The following MRAP2 variants were observed in gnomAD, a reference collection of about 807,000 sequenced individuals.
The protein encoded by MRAP2 is melanocortin 2 receptor accessory protein 2.
A neutral mutation model predicts 17.4 loss-of-function variants in MRAP2; 20 were observed. The observed-to-expected ratio is 1.15, with a 90% confidence interval of 0.81 to 1.67. The LOEUF (loss-of-function observed/expected upper bound fraction) is 1.67, where lower values mean the gene tolerates loss of function less well. Ranked by LOEUF, MRAP2 falls within the 40% of genes most tolerant of loss-of-function variation. The probability of loss-of-function intolerance (pLI) is 0.00; values close to 1 mark genes in which losing one functional copy is unlikely to be tolerated. For synonymous variants in MRAP2, 96 were observed against 88.4 expected (o/e 1.09, Z -0.48); for missense variants, 238 against 240.0 (o/e 0.99, Z 0.05).
chr6:84,071,830 G>A (rs1269968140), intron 3 of MRAP2, among the ~76,000 whole-genome samples: 2 of 151,916 alleles, frequency 1.3e-5, no homozygotes, highest in African/African-American at 2.4e-5. Flanking sequence ...CCTTGTCTTC[G>A]AGCTCTGAAT....
chr6:84,089,046 A>G lies in MRAP2; in HGVS notation c.228-45A>G, dbSNP rs557021285. ...CAGAAAACCATGATTCTGCAGGTGA[A>G]TGGGCTGGAGTGTAAGCAGTCTTTT... On this transcript the variant is annotated intron_variant, in intron 3 of 3. Coordinates refer to ENST00000257776, the MANE Select transcript of MRAP2 (RefSeq NM_138409.4). The G allele has an allele frequency of 1.9e-5, 30 of 1,547,498 alleles. No homozygotes were observed. The East Asian group carries it at 4.3e-4, about 22-fold the overall frequency.
chr6:84,043,413 A>C lies in MRAP2; in HGVS notation c.-8+9530A>C, dbSNP rs111989735. ...TGTAGTGAAATAGTTGGAGAGATCT[A>C]CTTGGAGGAGGTAGTATCTGATCCC... On this transcript the variant is annotated intron_variant, in intron 1 of 3. Coordinates refer to ENST00000257776, the MANE Select transcript of MRAP2 (RefSeq NM_138409.4). Among the ~76,000 whole-genome samples, 975 of 152,286 alleles carry C rather than the reference A, an allele frequency of 6.4e-3. 16 individuals are homozygous for C. Among genetic ancestry groups the C allele is most frequent in the African/African-American group, 0.022 (912 of 41,550 alleles).
At chr6:84,103,460 A>C in the MRAP2 span, among the ~76,000 whole-genome samples, 1 of 152,170 alleles carries the variant, frequency 6.6e-6, no homozygotes, top group South Asian at 2.1e-4. Flanking sequence ...TCATTCACTC[A>C]TTCCTGATAA....
At position 84,089,513 on chromosome 6, in the gene MRAP2, A is replaced by G. The variant is rs186051964; in HGVS notation, c.*32A>G. On this transcript the variant is annotated 3_prime_UTR_variant, in exon 4 of 4. Coordinates refer to ENST00000257776, the MANE Select transcript of MRAP2 (RefSeq NM_138409.4). ...TGCTCTGTAAAGGGTCTTCCTGAAG[A>G]TGTGGATTCTATCTTTATGTAGCAA... 1,357 of 1,578,574 alleles carry G rather than the reference A, an allele frequency of 8.6e-4. 14 individuals carry two copies. The African/African-American group carries it at 0.016, about 19-fold the overall frequency.
At chr6:84,126,344 AC>A in the MRAP2 span, 2 of 1,495,062 alleles carry the variant, frequency 1.3e-6, no homozygotes, top group Non-Finnish European at 1.8e-6. Context: ...AAAAGTAAAG[AC>A]CTATATAAAT....
At chr6:84,134,405 C>G in the MRAP2 span, among the ~76,000 whole-genome samples, 1 of 152,320 alleles carries the variant, frequency 6.6e-6, no homozygotes, top group African/African-American at 2.4e-5. Context: ...AAAAAAAACT[C>G]CTGCAGCTAG....
At chr6:84,141,980 C>T in the MRAP2 span, among the ~76,000 whole-genome samples, 4 of 152,186 alleles carry the variant, frequency 2.6e-5, no homozygotes, top group Non-Finnish European at 5.9e-5. Context: ...TTCTCAGTCT[C>T]TCAGAGATGT....
the MRAP2 span, among the ~76,000 whole-genome samples, chr6:84,140,996 C>T: frequency 3.9e-5 from 6 of 152,124 alleles, no homozygotes; most frequent in Non-Finnish European, 4.4e-5. Flanking sequence ...TATATAAGCC[C>T]ACAACCTAGA....
the MRAP2 span, among the ~76,000 whole-genome samples, chr6:84,105,927 G>A: frequency 2.6e-5 from 4 of 152,110 alleles, no homozygotes; most frequent in South Asian, 2.1e-4. Flanking sequence ...TGGGTCACTA[G>A]GGGTAATGTG....
At chr6:84,123,599 T>G in the MRAP2 span, among the ~76,000 whole-genome samples, 1 of 152,008 alleles carries the variant, frequency 6.6e-6, no homozygotes, top group Non-Finnish European at 1.5e-5. Flanking sequence ...AAGACCTAAA[T>G]GTAAGACTTA....
At chr6:84,063,095 G>A (rs563795689) in intron 3 of MRAP2, 103 bp downstream of exon 3, 5 of 1,553,280 alleles carry the variant, frequency 3.2e-6, no homozygotes, top group Non-Finnish European at 4.4e-6. Flanking sequence ...ATGAAGAGAA[G>A]GGGGTGGTTA....
intron 1 of MRAP2, among the ~76,000 whole-genome samples, chr6:84,037,560 G>A (rs80332890): frequency 0.077 from 11,769 of 152,216 alleles, 763 homozygotes; most frequent in African/African-American, 0.17. Context: ...CGGGCAGTGC[G>A]GGAGCCCACC....
the MRAP2 span, among the ~76,000 whole-genome samples, chr6:84,100,809 T>A: frequency 3.3e-5 from 5 of 152,306 alleles, no homozygotes; most frequent in Non-Finnish European, 7.3e-5. Context: ...AGATCAGGAA[T>A]CTTGGTGTGT....
intron 3 of MRAP2, among the ~76,000 whole-genome samples, chr6:84,082,849 G>T (rs1253157500): frequency 6.7e-6 from 1 of 150,042 alleles, no homozygotes; most frequent in Non-Finnish European, 1.5e-5. Context: ...TTCTGCCTTT[G>T]TTACATGCTA....
chr6:84,138,247 T>G, the MRAP2 span, among the ~76,000 whole-genome samples: 328 of 152,302 alleles, frequency 2.2e-3, 1 homozygote, highest in Non-Finnish European at 2.2e-3. Context: ...CACAAAATAT[T>G]TGAAACAACT....
chr6:84,052,231 G>A (rs776337819), intron 1 of MRAP2, among the ~76,000 whole-genome samples: 4 of 152,184 alleles, frequency 2.6e-5, no homozygotes, highest in African/African-American at 4.8e-5. Context: ...GCAGCTGCCC[G>A]TGGAGCTGCC....
intron 1 of MRAP2, among the ~76,000 whole-genome samples, chr6:84,054,402 T>A (rs1372230708): frequency 1.3e-5 from 2 of 152,198 alleles, no homozygotes; most frequent in Non-Finnish European, 2.9e-5. Flanking sequence ...TGGTCTAAAA[T>A]AGTCACAGTT....
At chr6:84,103,152 A>G in the MRAP2 span, among the ~76,000 whole-genome samples, 6 of 152,288 alleles carry the variant, frequency 3.9e-5, no homozygotes, top group South Asian at 1.2e-3. Flanking sequence ...TTTAATGAGG[A>G]CAGATTCTGG....
At chr6:84,143,309 G>A in the MRAP2 span, among the ~76,000 whole-genome samples, 1 of 151,976 alleles carries the variant, frequency 6.6e-6, no homozygotes. Context: ...ATGAAATGAT[G>A]TTAATCTACA....
Sources: gnomAD v4.1 joint callset for allele counts (sites outside exome capture counted in the v4.1 genomes callset) on GRCh38, gnomAD v4.1.1 for gene constraint, MANE v1.5 for transcripts, NCBI Gene and HGNC (gene_info 2026-07-23, HGNC 2026-07-21) for gene names.